The following MIPOL1 variants were observed in gnomAD, a reference collection of about 807,000 sequenced individuals.
MIPOL1 encodes the protein mirror-image polydactyly 1.
MIPOL1 carries 57 observed loss-of-function variants against 60.9 expected under a neutral mutation model. The ratio of observed to expected loss-of-function variants is 0.94; its 90% CI spans 0.76 to 1.17. The LOEUF (loss-of-function observed/expected upper bound fraction) is 1.17. Among genes scored for constraint, MIPOL1 ranks in the 50% most tolerant of loss-of-function variants. The pLI is 0.00. For missense variants in MIPOL1, 551 were observed against 511.6 expected (o/e 1.08, Z -0.74); for synonymous variants, 179 against 168.8 (o/e 1.06, Z -0.47).
intron 6 of MIPOL1, among the ~76,000 whole-genome samples, chr14:37,284,015 C>A (rs1202906031): frequency 6.6e-6 from 1 of 152,084 alleles, no homozygotes; most frequent in African/African-American, 2.4e-5. Context: ...CCATGCCCAG[C>A]CCACATTGCA....
intron 11 of MIPOL1, among the ~76,000 whole-genome samples, chr14:37,474,975 A>AT (rs1174908321): frequency 1.2e-3 from 173 of 149,290 alleles, no homozygotes; most frequent in African/African-American, 2.4e-3. Context: ...TTTTATTTTT[A>AT]TTTTTTTTTG....
chr14:37,205,977 G>A (rs1966026864), intron 1 of MIPOL1, among the ~76,000 whole-genome samples: 1 of 152,174 alleles, frequency 6.6e-6, no homozygotes, highest in East Asian at 1.9e-4. Flanking sequence ...GAGCATAAAA[G>A]TTCAGAAAAT....
intron 9 of MIPOL1, among the ~76,000 whole-genome samples, chr14:37,328,103 C>T (rs768530517): frequency 4.6e-5 from 7 of 152,062 alleles, no homozygotes; most frequent in African/African-American, 7.2e-5. Context: ...ACCTCCACCC[C>T]CCAAGTTCAA....
chr14:37,515,739 C>T (rs1486224671), intron 12 of MIPOL1, among the ~76,000 whole-genome samples: 1 of 148,412 alleles, frequency 6.7e-6, no homozygotes, highest in Non-Finnish European at 1.5e-5. Flanking sequence ...AAATCTTTCC[C>T]AGAATGATGG....
chr14:37,547,966 G>A lies in MIPOL1; in HGVS notation c.*995G>A, dbSNP rs907340270. ...GCTTTTTATTTTATTCCAGAAATAA[G>A]ATAGTTACAGCATAGCAGTCATATG... is the stretch of plus-strand genomic sequence containing the variant. On this transcript the variant is annotated 3_prime_UTR_variant, in exon 13 of 13. Coordinates refer to ENST00000684589, the MANE Select transcript of MIPOL1 (RefSeq NM_001388067.1). 1.3e-5 allele frequency: 2 copies of A among 152,108 alleles called. No individual in the cohort carries two copies. The highest frequency in any genetic ancestry group is 2.1e-4 in the South Asian group (1 of 4,822). 9.4% of individuals were successfully genotyped at this position (152,108 alleles called of 1,614,324 possible). A position where few individuals can be genotyped will look rare whatever the true frequency, so the allele number is the denominator to read the frequency against.
chr14:37,325,234 T>C (rs534452840), intron 9 of MIPOL1, among the ~76,000 whole-genome samples: 17 of 152,266 alleles, frequency 1.1e-4, no homozygotes, highest in African/African-American at 3.1e-4. Flanking sequence ...ATGGTTTAAA[T>C]TGTAATAATC....
chr14:37,308,821 T>C (rs1445151933), intron 9 of MIPOL1, among the ~76,000 whole-genome samples: 1 of 152,154 alleles, frequency 6.6e-6, no homozygotes, highest in Non-Finnish European at 1.5e-5. Flanking sequence ...ATCACTTTTA[T>C]ATGGGACTTC....
chr14:37,374,239 T>A (rs192974023), intron 10 of MIPOL1, among the ~76,000 whole-genome samples: 111 of 152,274 alleles, frequency 7.3e-4, no homozygotes, highest in African/African-American at 2.5e-3. Flanking sequence ...TGTTTGTTTT[T>A]CGGGGGGTAA....
chr14:37,421,172 A>G lies in MIPOL1; in HGVS notation c.937-1683A>G, dbSNP rs571865503. 5.9e-4 allele frequency among the ~76,000 whole-genome samples: 90 copies of G among 152,190 alleles called. No homozygotes were observed. The Middle Eastern group carries it at 0.031, about 52-fold the overall frequency. On this transcript the variant is annotated intron_variant, in intron 10 of 12. Transcript: ENST00000684589. ...TCATTATGAAAATTTCTAGGCAAAA[A>G]CTACATTTCAGTGTTTTCCTACAAG...
At chr14:37,402,398 G>A (rs1339377660) in intron 10 of MIPOL1, among the ~76,000 whole-genome samples, 2 of 152,110 alleles carry the variant, frequency 1.3e-5, no homozygotes, top group Non-Finnish European at 2.9e-5. Flanking sequence ...AAGCTGAAAT[G>A]AAATAGGAAA....
intron 6 of MIPOL1, among the ~76,000 whole-genome samples, chr14:37,272,304 C>T (rs907833624): frequency 6.6e-6 from 1 of 151,470 alleles, no homozygotes; most frequent in Non-Finnish European, 1.5e-5. Context: ...CAAAGTATAT[C>T]TTTCCTCTTT....
At chr14:37,268,850 A>T in intron 5 of MIPOL1, 57 bp downstream of exon 5, 1 of 1,321,120 alleles carries the variant, frequency 7.6e-7, no homozygotes, top group Admixed American at 2.9e-5. Context: ...TGATCTTCTA[A>T]ATTTCCTTTG....
chr14:37,357,643 A>G (rs2091936876), intron 9 of MIPOL1, among the ~76,000 whole-genome samples: 1 of 151,974 alleles, frequency 6.6e-6, no homozygotes, highest in Non-Finnish European at 1.5e-5. Flanking sequence ...TGAGCTCCTT[A>G]TATATCCTGG....
chr14:37,344,639 T>G (rs1181338354), intron 9 of MIPOL1, among the ~76,000 whole-genome samples: 1 of 152,186 alleles, frequency 6.6e-6, no homozygotes, highest in Non-Finnish European at 1.5e-5. Context: ...TGTGATATTC[T>G]AAAGATAACA....
chr14:37,480,041 A>T (rs75070897), intron 11 of MIPOL1, among the ~76,000 whole-genome samples: 3,236 of 152,246 alleles, frequency 0.021, 102 homozygotes, highest in African/African-American at 0.073. Flanking sequence ...GTTAAATCAG[A>T]AATAAAAAAA....
At chr14:37,344,571 C>A (rs1336095164) in intron 9 of MIPOL1, among the ~76,000 whole-genome samples, 1 of 151,994 alleles carries the variant, frequency 6.6e-6, no homozygotes, top group Non-Finnish European at 1.5e-5. Context: ...GTGTTTCTTT[C>A]TATGTTGTTA....
At chr14:37,495,906 T>G (rs1171448924) in intron 11 of MIPOL1, among the ~76,000 whole-genome samples, 37 of 148,858 alleles carry the variant, frequency 2.5e-4, no homozygotes, top group Non-Finnish European at 4.8e-4. Flanking sequence ...TCATGTGTTT[T>G]TTGGCTGCAT....
chr14:37,353,465 A>C (rs1354795127), intron 9 of MIPOL1, among the ~76,000 whole-genome samples: 5 of 152,018 alleles, frequency 3.3e-5, no homozygotes, highest in African/African-American at 7.3e-5. Context: ...TGATTGGAAT[A>C]GTTTCAGAAG....
At chr14:37,379,611 A>G (rs184799247) in intron 10 of MIPOL1, among the ~76,000 whole-genome samples, 60 of 152,258 alleles carry the variant, frequency 3.9e-4, no homozygotes, top group African/African-American at 1.2e-3. Flanking sequence ...ATAACTCAGC[A>G]AAGAAAAGGC....
Sources: allele counts gnomAD v4.1 joint callset (sites outside exome capture counted in the v4.1 genomes callset), GRCh38; gene constraint gnomAD v4.1.1; transcripts MANE v1.5; gene names NCBI Gene and HGNC (gene_info 2026-07-23, HGNC 2026-07-21).